The following CTTN variants were observed in gnomAD, a reference collection of about 807,000 sequenced individuals.
CTTN encodes src substrate cortactin.
A neutral mutation model predicts 84.0 loss-of-function variants in CTTN; 28 were observed. The ratio of observed to expected loss-of-function variants is 0.33; its 90% CI spans 0.25 to 0.46. The LOEUF (loss-of-function observed/expected upper bound fraction) is 0.46. Ranked by LOEUF, CTTN falls within the 20% of genes least tolerant of loss-of-function variation. CTTN has a pLI of 1.00. For synonymous variants in CTTN, 301 were observed against 288.8 expected, an observed-to-expected ratio of 1.04 and a Z score of -0.43; for missense variants, 641 against 723.8, an observed-to-expected ratio of 0.89 and a Z score of 1.31.
At chr11:70,434,537 C>T (rs930429514) in intron 17 of CTTN, among the ~76,000 whole-genome samples, 8 of 152,294 alleles carry the variant, frequency 5.3e-5, no homozygotes, top group Admixed American at 1.3e-4. Flanking sequence ...TTTGCGTACA[C>T]GCATGTGGGT....
At chr11:70,434,347 G>A (rs2058390930) in intron 17 of CTTN, among the ~76,000 whole-genome samples, 1 of 152,256 alleles carries the variant, frequency 6.6e-6, no homozygotes, top group South Asian at 2.1e-4. Context: ...GGTCCACAAA[G>A]TCACCACCAC....
rs186026126 is a variant in CTTN at position 70,407,394 on chromosome 11, G to A, written c.87+10G>A. 5.0e-4 allele frequency: 811 copies of A among 1,608,350 alleles called. No individual in the cohort carries two copies. The highest frequency in any genetic ancestry group is 1.6e-3 in the South Asian group (142 of 90,626). On this transcript the variant is annotated intron_variant, in intron 3 of 17. Coordinates refer to ENST00000301843, the MANE Select transcript of CTTN (RefSeq NM_005231.4). ...CGACCCTGATTTTGTGGTAGGAGCC[G>A]CCAGCCTTTGCTTTCCTCTTTCATG...
rs1321874343 is a variant in CTTN, at chr11:70,425,409, C to T, written c.1027+8C>T. ...CAGTACCTGTCGAAGCTGGTGAGTC[C>T]CGGCTGATACCAGGAGCACCGTGTG... On this transcript the variant is annotated splice_region_variant and intron_variant, in intron 13 of 17. Transcript: ENST00000301843. The T allele has an allele frequency of 1.2e-6, 2 of 1,606,252 alleles. No homozygotes were observed. The highest frequency in any genetic ancestry group is 8.5e-7 in the Non-Finnish European group (1 of 1,175,178).
chr11:70,421,676 A>G (rs1023388285), intron 11 of CTTN, 96 bp downstream of exon 11: 15 of 820,426 alleles, frequency 1.8e-5, no homozygotes, highest in East Asian at 1.7e-4. Flanking sequence ...CCTGCAACAC[A>G]GTCCTCCTGT....
intron 11 of CTTN, chr11:70,422,640 G>A (rs774176446): frequency 9.4e-6 from 13 of 1,376,376 alleles, no homozygotes; most frequent in Middle Eastern, 2.0e-4. Context: ...AGGCCTGTCC[G>A]TGCCCTCTTT....
At chr11:70,399,908 GCC>G (rs925149712) in intron 1 of CTTN, among the ~76,000 whole-genome samples, 2 of 152,188 alleles carry the variant, frequency 1.3e-5, no homozygotes, top group African/African-American at 4.8e-5. Flanking sequence ...GCCCGGCCGG[GCC>G]CAAGGCCGTG....
At chr11:70,421,647 T>C in intron 11 of CTTN, 67 bp downstream of exon 11, 1 of 1,105,344 alleles carries the variant, frequency 9.0e-7, no homozygotes, top group Non-Finnish European at 1.4e-6. Flanking sequence ...AGCACAGACT[T>C]CAGGGCTCAC....
At chr11:70,411,082 A>G (rs954940139) in intron 5 of CTTN, among the ~76,000 whole-genome samples, 3 of 152,200 alleles carry the variant, frequency 2.0e-5, no homozygotes, top group Non-Finnish European at 2.9e-5. Context: ...GAGAAGAGCA[A>G]TGTGTGCAGA....
intron 2 of CTTN, among the ~76,000 whole-genome samples, chr11:70,406,440 T>C (rs1347601648): frequency 6.6e-6 from 1 of 152,046 alleles, no homozygotes; most frequent in Non-Finnish European, 1.5e-5. Context: ...TTTAAAATAA[T>C]CTCTCAGTTG....
chr11:70,404,427 G>T (rs941273559), intron 1 of CTTN, among the ~76,000 whole-genome samples: 5 of 152,116 alleles, frequency 3.3e-5, no homozygotes, highest in Non-Finnish European at 5.9e-5. Flanking sequence ...CGCGGTAACC[G>T]TGTACGTTCA....
intron 11 of CTTN, 37 bp downstream of exon 11, chr11:70,421,617 C>A: frequency 6.8e-7 from 1 of 1,480,744 alleles, no homozygotes; most frequent in Non-Finnish European, 9.4e-7. Context: ...TCCCCCCGAC[C>A]CTCCTGTGCG....
At chr11:70,418,690 G>A (rs1403722261) in intron 8 of CTTN, among the ~76,000 whole-genome samples, 1 of 152,088 alleles carries the variant, frequency 6.6e-6, no homozygotes, top group Non-Finnish European at 1.5e-5. Flanking sequence ...TGCCTCCTGA[G>A]CTTAGAGCCT....
At chr11:70,421,602 T>G in intron 11 of CTTN, 22 bp downstream of exon 11, 6 of 1,560,906 alleles carry the variant, frequency 3.8e-6, no homozygotes, top group Non-Finnish European at 5.3e-6. Flanking sequence ...ACCAGCCTCC[T>G]ACCCTCCCCC....
Position 70,410,882 on chromosome 11 carries a change from G to A in CTTN, c.291+922G>A, listed in dbSNP as rs73516280. On this transcript the variant is annotated intron_variant, in intron 5 of 17. Coordinates refer to ENST00000301843, the MANE Select transcript of CTTN (RefSeq NM_005231.4). ...CCAGATGAACATTTGAGCTGGGCAC[G>A]GGATGATGTTGCCGTGTCACAGTGA... 8.6e-3 allele frequency among the ~76,000 whole-genome samples: 1,306 copies of A among 152,220 alleles called. 18 individuals carry two copies. The highest frequency in any genetic ancestry group is 0.03 in the African/African-American group (1,240 of 41,524).
intron 1 of CTTN, among the ~76,000 whole-genome samples, chr11:70,401,015 G>T (rs900315545): frequency 2.6e-5 from 4 of 152,198 alleles, no homozygotes; most frequent in African/African-American, 9.7e-5. Flanking sequence ...GCTGATGGTG[G>T]ACGGATGGTT....
chr11:70,425,995 T>A (rs1201268207), intron 13 of CTTN, among the ~76,000 whole-genome samples: 31 of 152,156 alleles, frequency 2.0e-4, no homozygotes, highest in Admixed American at 2.0e-3. Context: ...CTGACTTCCT[T>A]CAGGGGCTAT....
intron 13 of CTTN, among the ~76,000 whole-genome samples, chr11:70,427,450 CTT>C (rs926754227): frequency 4.6e-5 from 7 of 152,240 alleles, no homozygotes; most frequent in Admixed American, 4.6e-4. Flanking sequence ...TTGTAAATCT[CTT>C]TAATAGAAGA....
intron 6 of CTTN, among the ~76,000 whole-genome samples, chr11:70,415,092 G>A (rs1378380591): frequency 6.6e-6 from 1 of 152,112 alleles, no homozygotes; most frequent in African/African-American, 2.4e-5. Context: ...TCTTCGGCTC[G>A]GGTCTGTTGG....
At chr11:70,407,728 T>C (rs976041527) in intron 4 of CTTN, 137 bp downstream of exon 4, 1 of 663,284 alleles carries the variant, frequency 1.5e-6, no homozygotes, top group Non-Finnish European at 2.6e-6. Context: ...ACCCATGCAG[T>C]AAATGAATAT....
Sources: allele counts gnomAD v4.1 joint callset (sites outside exome capture counted in the v4.1 genomes callset), GRCh38; gene constraint gnomAD v4.1.1; transcripts MANE v1.5; gene names NCBI Gene and HGNC (gene_info 2026-07-23, HGNC 2026-07-21).